Variants in AMPD1 observed in about 807,000 individuals in gnomAD.
The protein encoded by AMPD1 is AMP deaminase 1.
In AMPD1, 74 loss-of-function variants were observed where a neutral mutation model predicts 82.9. The ratio of observed to expected loss-of-function variants is 0.89; its 90% CI spans 0.74 to 1.08. The LOEUF (loss-of-function observed/expected upper bound fraction) is 1.08, where lower values mean the gene tolerates loss of function less well. Ranked by LOEUF, AMPD1 falls within the 50% of genes least tolerant of loss-of-function variation. The probability of loss-of-function intolerance (pLI) is 0.00; values close to 1 mark genes in which losing one functional copy is unlikely to be tolerated. For missense variants in AMPD1, 881 were observed against 924.5 expected, an observed-to-expected ratio of 0.95 and a Z score of 0.61; for synonymous variants, 333 against 320.5, an observed-to-expected ratio of 1.04 and a Z score of -0.42.
At chr1:114,676,568 T>C (rs1657987851) in intron 10 of AMPD1, among the ~76,000 whole-genome samples, 1 of 152,192 alleles carries the variant, frequency 6.6e-6, no homozygotes, top group Non-Finnish European at 1.5e-5. Context: ...AGCTAAATGG[T>C]TGTGTTACCT....
At position 114,679,608 on chromosome 1, in the gene AMPD1, G is replaced by T; in HGVS notation, c.868C>A (p.Pro290Thr). Residue 290 changes from proline to threonine, a missense_variant, in exon 7 of 16, where the codon CCC (proline) becomes ACC (threonine). By Grantham distance (38) the Pro-to-Thr change is conservative (BLOSUM62 -1). Around this residue, in one of 2 missense-constraint regions of AMPD1, gnomAD observed 783 missense variants for 786.4 expected, o/e 1.00. Transcript: ENST00000520113. Reference protein sequence around the residue: ...MDELKELKNNPHRDFYNCRKV... With the variant: ...MDELKELKNNTHRDFYNCRKV... ...CTGCAGTTATAAAAATCTCGGTGGG[G>T]GTTGTTTTTCAGCTCCTTTAACTCG... 3 of 1,612,956 alleles carry T rather than the reference G, an allele frequency of 1.9e-6. No individual in the cohort carries two copies. In the African/African-American group the frequency reaches 4.0e-5, roughly 22 times the overall value.
chr1:114,684,228 G>A lies in AMPD1; in HGVS notation c.518C>T (p.Ala173Val). The A allele has an allele frequency of 6.2e-7, 1 of 1,614,148 alleles. No homozygotes were observed. Among genetic ancestry groups the A allele is most frequent in the Non-Finnish European group, 8.5e-7 (1 of 1,180,034 alleles). The stretch of plus-strand genomic sequence containing the variant: ...ATAGAAGCTCTCATTTGCTACCCAA[G>A]CCTCACCATCAATGTTCCGCAAGTA... ...SKYLRNIDGE[A>V]WVANESFYPV... is the part of the protein sequence containing the mutation. Residue 173 changes from alanine to valine, a missense_variant, in exon 5 of 16, where the codon GCT becomes GTT. By Grantham distance (64) the Ala-to-Val change is moderately conservative. Transcript: ENST00000520113.
intron 5 of AMPD1, among the ~76,000 whole-genome samples, chr1:114,682,548 T>A (rs1658187761): frequency 6.6e-6 from 1 of 152,134 alleles, no homozygotes; most frequent in South Asian, 2.1e-4. Flanking sequence ...ACTGGAGATC[T>A]TTAATAATAT....
intron 3 of AMPD1, 114 bp downstream of exon 3, chr1:114,688,447 G>A: frequency 7.9e-7 from 1 of 1,259,814 alleles, no homozygotes; most frequent in East Asian, 2.3e-5. Context: ...GCTAACTCTG[G>A]CAGAGTTCTT....
At chr1:114,692,837 C>A (rs373706509) in intron 2 of AMPD1, among the ~76,000 whole-genome samples, 1 of 142,070 alleles carries the variant, frequency 7.0e-6, no homozygotes, top group East Asian at 2.2e-4. Flanking sequence ...TCATTTATTT[C>A]AAAATATTAA....
intron 7 of AMPD1, among the ~76,000 whole-genome samples, chr1:114,678,866 CAGCCCCTAAGGAGAA>C: frequency 6.6e-6 from 1 of 152,344 alleles, no homozygotes; most frequent in South Asian, 2.1e-4. Context: ...CCATAACTTT[CAGCCCCTAAGGAGAA>C]AGGATTGAAA....
chr1:114,693,664 TTATAAG>T (rs1194413646), intron 1 of AMPD1, among the ~76,000 whole-genome samples: 1 of 152,220 alleles, frequency 6.6e-6, no homozygotes, highest in Non-Finnish European at 1.5e-5. Context: ...CTCTTAACAT[TTATAAG>T]TATACTTTTT....
At chr1:114,685,801 A>G (rs1195518903) in intron 4 of AMPD1, among the ~76,000 whole-genome samples, 1 of 152,088 alleles carries the variant, frequency 6.6e-6, no homozygotes, top group Non-Finnish European at 1.5e-5. Flanking sequence ...CCTTTTAGTT[A>G]TTTAGTGTCT....
intron 5 of AMPD1, among the ~76,000 whole-genome samples, chr1:114,681,649 G>A (rs1402740441): frequency 6.6e-6 from 1 of 150,638 alleles, no homozygotes; most frequent in Non-Finnish European, 1.5e-5. Context: ...CCCACAGCCC[G>A]TTACCCACAC....
intron 2 of AMPD1, among the ~76,000 whole-genome samples, chr1:114,690,122 T>C (rs1658469392): frequency 6.6e-6 from 1 of 152,184 alleles, no homozygotes; most frequent in Admixed American, 6.5e-5. Context: ...CAAAAGTCCA[T>C]ATTTTCTATT....
chr1:114,684,419 A>C (rs1658254328), intron 4 of AMPD1, 55 bp from the exon 5 acceptor site: 3 of 1,587,542 alleles, frequency 1.9e-6, no homozygotes, highest in Admixed American at 3.4e-5. Context: ...AAAACTGAGA[A>C]GTGAGTAAAG....
At chr1:114,684,774 T>C (rs910710601) in intron 4 of AMPD1, among the ~76,000 whole-genome samples, 2 of 152,184 alleles carry the variant, frequency 1.3e-5, no homozygotes, top group Non-Finnish European at 2.9e-5. Context: ...GTGACTCAAA[T>C]TGTGAGAATT....
intron 2 of AMPD1, among the ~76,000 whole-genome samples, chr1:114,692,580 G>A (rs1178560457): frequency 6.6e-6 from 1 of 152,046 alleles, no homozygotes; most frequent in Non-Finnish European, 1.5e-5. Context: ...CTACTCAGGA[G>A]GCTGAGGCAG....
chr1:114,687,580 G>T (rs977591418), intron 3 of AMPD1, among the ~76,000 whole-genome samples: 17 of 152,072 alleles, frequency 1.1e-4, no homozygotes, highest in African/African-American at 2.2e-4. Context: ...CTGGTGGGAT[G>T]GGGGGAGGAC....
At chr1:114,676,143 A>G in intron 10 of AMPD1, 140 bp from the exon 11 acceptor site, 5 of 1,073,000 alleles carry the variant, frequency 4.7e-6, no homozygotes, top group South Asian at 1.3e-5. Flanking sequence ...CTCCTCATAC[A>G]TTCTTTTTGG....
intron 5 of AMPD1, among the ~76,000 whole-genome samples, chr1:114,681,631 G>A (rs1290809370): frequency 6.7e-6 from 1 of 150,172 alleles, no homozygotes; most frequent in Non-Finnish European, 1.5e-5. Context: ...AAAAGAAAAT[G>A]CAATTTCCCC....
intron 4 of AMPD1, among the ~76,000 whole-genome samples, chr1:114,685,281 T>C (rs531392255): frequency 3.9e-5 from 6 of 152,302 alleles, no homozygotes; most frequent in Admixed American, 3.9e-4. Context: ...CACTAGTCTA[T>C]CAGGTCCTCA....
chr1:114,687,013 G>A (rs757502363), intron 3 of AMPD1, 103 bp from the exon 4 acceptor site: 5 of 1,309,788 alleles, frequency 3.8e-6, no homozygotes, highest in South Asian at 1.2e-5. Context: ...AGGACAAAAA[G>A]TAAAAATTAA....
chr1:114,675,763 C>T (rs1657963141), intron 11 of AMPD1, 70 bp from the exon 12 acceptor site: 4 of 1,613,428 alleles, frequency 2.5e-6, no homozygotes, highest in Admixed American at 3.3e-5. Context: ...CACAAACTTT[C>T]AGGTCCAAAG....
Sources: allele counts gnomAD v4.1 joint callset (sites outside exome capture counted in the v4.1 genomes callset), GRCh38; gene constraint gnomAD v4.1.1; regional missense constraint gnomAD v4.1.1; transcripts MANE v1.5; gene names NCBI Gene and HGNC (gene_info 2026-07-23, HGNC 2026-07-21).